ATP13A5: variants seen among roughly 807,000 people sequenced by gnomAD.
ATP13A5 encodes ATPase 13A5, also known as probable cation-transporting ATPase 13A5.
In ATP13A5, 149 loss-of-function variants were observed where a neutral mutation model predicts 150.2. That is an observed-to-expected ratio of 0.99 (90% CI 0.87 to 1.14). The LOEUF is 1.14. ATP13A5 is among the 50% of genes most tolerant of loss of function. ATP13A5 has a pLI of 0.00. For synonymous variants in ATP13A5, 497 were observed against 522.2 expected (o/e 0.95, Z 0.66); for missense variants, 1,383 against 1,449.3 (o/e 0.95, Z 0.74).
intron 7 of ATP13A5, among the ~76,000 whole-genome samples, chr3:193,350,772 G>T (rs574549589): frequency 1.0e-3 from 154 of 152,174 alleles, no homozygotes; most frequent in African/African-American, 3.6e-3. Flanking sequence ...TAAAACTATG[G>T]CTGGCATCAT....
rs746884320 is a variant in ATP13A5 at position 193,351,071 on chromosome 3, C to A, written c.737G>T (p.Arg246Leu). ...ISIVLSVYDL[R>L]QQSVKLHNLV... The stretch of plus-strand genomic sequence containing the variant: ...GGCTGTGATTTCAGGTCTTACCTGT[C>A]GCAAATCATACACACTTAAGACAAT... Residue 246 changes from arginine (R) to leucine (L), a missense_variant, in exon 7 of 30, where the codon CGA becomes CTA. Around this residue, in one of 3 missense-constraint regions of ATP13A5, gnomAD observed 787 missense variants for 771.9 expected, o/e 1.02. Transcript: ENST00000342358. The A allele has an allele frequency of 2.5e-6, 4 of 1,612,828 alleles. No individual in the cohort carries two copies. The highest frequency in any genetic ancestry group is 3.4e-6 in the Non-Finnish European group (4 of 1,179,284).
intron 6 of ATP13A5, among the ~76,000 whole-genome samples, chr3:193,353,653 G>C (rs988905725): frequency 1.3e-5 from 2 of 152,170 alleles, no homozygotes; most frequent in African/African-American, 2.4e-5. Flanking sequence ...CTTGTAGGAA[G>C]AGGAAGAGAC....
intron 9 of ATP13A5, 41 bp from the exon 10 acceptor site, chr3:193,335,140 G>GTACA: frequency 6.2e-7 from 1 of 1,600,902 alleles, no homozygotes; most frequent in Non-Finnish European, 8.6e-7. Context: ...GTAAGCTCAG[G>GTACA]TAGTTGGTCA....
chr3:193,359,751 G>A (rs1478391123), intron 5 of ATP13A5, among the ~76,000 whole-genome samples: 3 of 152,020 alleles, frequency 2.0e-5, no homozygotes, highest in Non-Finnish European at 4.4e-5. Context: ...CTGAGAGCTA[G>A]GTCACCAGCA....
chr3:193,286,681 C>G (rs1339434127), intron 26 of ATP13A5, among the ~76,000 whole-genome samples: 1 of 152,106 alleles, frequency 6.6e-6, no homozygotes, highest in Non-Finnish European at 1.5e-5. Context: ...CTGGGGCCTC[C>G]CTATTCCTTG....
chr3:193,290,754 G>T (rs1717918963), intron 25 of ATP13A5, among the ~76,000 whole-genome samples: 1 of 152,108 alleles, frequency 6.6e-6, no homozygotes, highest in Admixed American at 6.6e-5. Flanking sequence ...GAAATGGGCA[G>T]AAATTAAAAA....
chr3:193,306,896 T>C (rs1718639404), intron 22 of ATP13A5, among the ~76,000 whole-genome samples: 1 of 152,188 alleles, frequency 6.6e-6, no homozygotes, highest in African/African-American at 2.4e-5. Flanking sequence ...CAGGAATAAA[T>C]ATAATTTACA....
intron 25 of ATP13A5, among the ~76,000 whole-genome samples, chr3:193,292,831 A>T (rs914066325): frequency 7.9e-5 from 12 of 152,114 alleles, no homozygotes; most frequent in African/African-American, 2.7e-4. Flanking sequence ...TATTGAGGCA[A>T]TACCTAATGC....
intron 23 of ATP13A5, among the ~76,000 whole-genome samples, chr3:193,303,307 A>T (rs918698107): frequency 6.6e-6 from 1 of 151,190 alleles, no homozygotes; most frequent in East Asian, 1.9e-4. Flanking sequence ...TCAAGTTGCA[A>T]CTCCCCTACT....
At chr3:193,350,552 AT>A (rs1712525331) in intron 7 of ATP13A5, among the ~76,000 whole-genome samples, 1 of 152,124 alleles carries the variant, frequency 6.6e-6, no homozygotes, top group Admixed American at 6.6e-5. Flanking sequence ...TTTCTTTGGG[AT>A]TTCCGTAAAG....
chr3:193,350,474 T>C (rs1209236683), intron 7 of ATP13A5, among the ~76,000 whole-genome samples: 1 of 152,164 alleles, frequency 6.6e-6, no homozygotes, highest in Non-Finnish European at 1.5e-5. Flanking sequence ...CACTGCCTTA[T>C]TGAGTATAGA....
At chr3:193,364,036 G>C in intron 2 of ATP13A5, 71 bp downstream of exon 2, 1 of 1,466,330 alleles carries the variant, frequency 6.8e-7, no homozygotes, top group Non-Finnish European at 9.4e-7. Context: ...ACCAGCCACA[G>C]AGTTATGCCA....
In ATP13A5 at chr3:193,369,395, G is replaced by T. The variant is rs529291315; in HGVS notation, c.64-5115C>A. ...AGGCCAAGATGGGAGGATCGTTTGAGCCCAGGAGTTCAAGACAATTTGAGA... is the reference window on the plus strand; with the variant it reads ...AGGCCAAGATGGGAGGATCGTTTGATCCCAGGAGTTCAAGACAATTTGAGA... On this transcript the variant is annotated intron_variant, in intron 1 of 29. Transcript: ENST00000342358. 3.9e-5 allele frequency among the ~76,000 whole-genome samples: 6 copies of T among 152,266 alleles called. No individual in the cohort carries two copies. In the South Asian group the frequency reaches 8.3e-4, roughly 21 times the overall value.
intron 2 of ATP13A5, 130 bp from the exon 3 acceptor site, chr3:193,363,512 T>A: frequency 1.2e-6 from 1 of 800,846 alleles, no homozygotes; most frequent in South Asian, 2.1e-5. Flanking sequence ...CAGAACTTAG[T>A]AGAAATGCAA....
At chr3:193,372,495 A>C (rs1258679958) in intron 1 of ATP13A5, among the ~76,000 whole-genome samples, 1 of 152,132 alleles carries the variant, frequency 6.6e-6, no homozygotes, top group Non-Finnish European at 1.5e-5. Context: ...CAAATACACT[A>C]TACTTCTTGA....
intron 9 of ATP13A5, among the ~76,000 whole-genome samples, chr3:193,336,942 G>A (rs1480783169): frequency 7.2e-5 from 11 of 152,190 alleles, no homozygotes; most frequent in African/African-American, 2.4e-4. Flanking sequence ...ACTGGTGTGA[G>A]ATGGTGTCTC....
At chr3:193,335,323 C>T (rs1258582021) in intron 9 of ATP13A5, among the ~76,000 whole-genome samples, 1 of 152,104 alleles carries the variant, frequency 6.6e-6, no homozygotes, top group African/African-American at 2.4e-5. Flanking sequence ...CTATACCTGG[C>T]CTGCATGGTT....
At chr3:193,368,620 G>C (rs1056960526) in intron 1 of ATP13A5, among the ~76,000 whole-genome samples, 1 of 152,102 alleles carries the variant, frequency 6.6e-6, no homozygotes, top group African/African-American at 2.4e-5. Context: ...TCCAAAAAGA[G>C]ACTCAAACAT....
chr3:193,338,097 T>C (rs1711963896), intron 9 of ATP13A5, among the ~76,000 whole-genome samples: 1 of 152,248 alleles, frequency 6.6e-6, no homozygotes, highest in African/African-American at 2.4e-5. Flanking sequence ...CCTGAGACTT[T>C]GCTGAAGTTG....
Sources: allele counts gnomAD v4.1 joint callset (sites outside exome capture counted in the v4.1 genomes callset), GRCh38; gene constraint gnomAD v4.1.1; regional missense constraint gnomAD v4.1.1; transcripts MANE v1.5; gene names NCBI Gene and HGNC (gene_info 2026-07-23, HGNC 2026-07-21).